Variants in ERBB4 observed in about 807,000 individuals in gnomAD.
ERBB4 encodes erb-b2 receptor tyrosine kinase 4.
A neutral mutation model predicts 158.0 loss-of-function variants in ERBB4; 42 were observed. The ratio of observed to expected loss-of-function variants is 0.27; its 90% confidence interval spans 0.21 to 0.34. The LOEUF is 0.34. Ranked by LOEUF, ERBB4 falls within the 10% of genes least tolerant of loss-of-function variation. The pLI is 1.00. For synonymous variants in ERBB4, 583 were observed against 558.7 expected, an observed-to-expected ratio of 1.04 and a Z score of -0.61; for missense variants, 1,333 against 1,624.1, an observed-to-expected ratio of 0.82 and a Z score of 3.08.
chr2:212,124,828 T>C lies in ERBB4; in HGVS notation c.158A>G (p.Tyr53Cys), dbSNP rs756650586. The change falls in exon 2 of 28, where the codon TAT becomes TGT. Residue 53 changes from tyrosine to cysteine, a missense_variant. Transcript: ENST00000342788. Reference protein sequence around the residue: ...EQQYRALRKYYENCEVVMGNL... With the variant: ...EQQYRALRKYCENCEVVMGNL... ...GCCCATGACAACCTCACAGTTTTCA[T>C]AGTACTTGCGCAAGGCTCGGTACTG... 4.3e-6 allele frequency: 7 copies of C among 1,614,208 alleles called. No individual in the cohort carries two copies. The highest frequency in any genetic ancestry group is 2.2e-5 in the East Asian group (1 of 44,884).
At chr2:212,528,558 A>G (rs780748801) in intron 1 of ERBB4, among the ~76,000 whole-genome samples, 18 of 152,092 alleles carry the variant, frequency 1.2e-4, no homozygotes, top group Non-Finnish European at 2.5e-4. Context: ...TCCATTCCCA[A>G]TTTTCTCATT....
At chr2:212,086,729 A>T (rs1006440747) in intron 2 of ERBB4, among the ~76,000 whole-genome samples, 1 of 152,022 alleles carries the variant, frequency 6.6e-6, no homozygotes, top group African/African-American at 2.4e-5. Context: ...GAGAAGAGGG[A>T]TAAGGCTAAA....
chr2:212,086,617 G>A (rs1176718840), intron 2 of ERBB4, among the ~76,000 whole-genome samples: 3 of 151,896 alleles, frequency 2.0e-5, no homozygotes, highest in African/African-American at 4.8e-5. Flanking sequence ...TTTTCAAGTG[G>A]CTGATATGGA....
At chr2:212,383,577 T>A (rs574945545) in intron 1 of ERBB4, among the ~76,000 whole-genome samples, 37 of 151,722 alleles carry the variant, frequency 2.4e-4, no homozygotes, top group African/African-American at 8.9e-4. Flanking sequence ...ACATGCAATG[T>A]TTAACCTCAG....
At chr2:211,511,273 T>C (rs1369020567) in intron 20 of ERBB4, among the ~76,000 whole-genome samples, 1 of 152,052 alleles carries the variant, frequency 6.6e-6, no homozygotes. Context: ...TTTTCAATTA[T>C]AGGACCTTGA....
intron 2 of ERBB4, among the ~76,000 whole-genome samples, chr2:212,002,377 T>G (rs2076126798): frequency 6.6e-6 from 1 of 152,150 alleles, no homozygotes; most frequent in East Asian, 1.9e-4. Flanking sequence ...AGAAATTTCT[T>G]CAGGGAGATT....
chr2:212,445,195 G>T (rs2092324438), intron 1 of ERBB4, among the ~76,000 whole-genome samples: 1 of 152,018 alleles, frequency 6.6e-6, no homozygotes, highest in Non-Finnish European at 1.5e-5. Flanking sequence ...ACAATATTTT[G>T]CAGGGCTGGG....
At chr2:211,712,884 C>A (rs114653738) in intron 8 of ERBB4, among the ~76,000 whole-genome samples, 5,789 of 152,058 alleles carry the variant, frequency 0.038, 132 homozygotes, top group Non-Finnish European at 0.055. Flanking sequence ...TTTTCTAGGG[C>A]ACTCCCTGAT....
chr2:212,451,115 G>A (rs565588379), intron 1 of ERBB4, among the ~76,000 whole-genome samples: 2 of 152,134 alleles, frequency 1.3e-5, no homozygotes, highest in Admixed American at 6.5e-5. Context: ...AGAAGAATCC[G>A]AGAAGGAGGC....
intron 2 of ERBB4, among the ~76,000 whole-genome samples, chr2:212,061,835 T>C (rs935835010): frequency 1.3e-5 from 2 of 151,442 alleles, no homozygotes; most frequent in Non-Finnish European, 2.9e-5. Flanking sequence ...TCCTGGGTTC[T>C]AGCAATTCTC....
chr2:211,577,749 T>C (rs1248834669), intron 19 of ERBB4, among the ~76,000 whole-genome samples: 1 of 152,044 alleles, frequency 6.6e-6, no homozygotes, highest in Admixed American at 6.6e-5. Context: ...AGGCCTTCAA[T>C]AAAATTTGAC....
At chr2:211,813,116 T>G (rs867300203) in intron 3 of ERBB4, among the ~76,000 whole-genome samples, 1 of 152,330 alleles carries the variant, frequency 6.6e-6, no homozygotes, top group East Asian at 1.9e-4. Context: ...AAATCACCTG[T>G]CTTCTGCGTC....
In ERBB4 at chr2:211,701,833, A is replaced by C. The variant is rs532731407; in HGVS notation, c.1489+134T>G. The C allele has an allele frequency of 3.3e-4, 224 of 669,148 alleles. No homozygotes were observed. In the African/African-American group the frequency reaches 3.8e-3, roughly 11 times the overall value. 41.5% of individuals were successfully genotyped at this position (669,148 alleles called of 1,614,324 possible). A position where few individuals can be genotyped will look rare whatever the true frequency, so the allele number is the denominator to read the frequency against. On this transcript the variant is annotated intron_variant, in intron 12 of 27. Coordinates refer to ENST00000342788, the MANE Select transcript of ERBB4 (RefSeq NM_005235.3). ...TTATACCATGTTGGTAATTGTAACA[A>C]CTACCTTCCTTTTTAAGGGTTGGGA...
intron 2 of ERBB4, among the ~76,000 whole-genome samples, chr2:211,956,458 C>T (rs1408433471): frequency 6.6e-6 from 1 of 151,994 alleles, no homozygotes; most frequent in Non-Finnish European, 1.5e-5. Flanking sequence ...TAGGACGATG[C>T]AGCCTAGTGA....
At chr2:211,771,177 A>C (rs1455214510) in intron 4 of ERBB4, among the ~76,000 whole-genome samples, 1 of 152,202 alleles carries the variant, frequency 6.6e-6, no homozygotes, top group Admixed American at 6.5e-5. Flanking sequence ...AGAATCTCTG[A>C]GTGAATTCAG....
At chr2:211,415,280 C>A (rs10192936) in intron 25 of ERBB4, among the ~76,000 whole-genome samples, 1 of 152,006 alleles carries the variant, frequency 6.6e-6, no homozygotes, top group South Asian at 2.1e-4. Flanking sequence ...CCACGCCCGG[C>A]TAATTTTTTG....
chr2:212,046,680 A>T (rs1489754562), intron 2 of ERBB4, among the ~76,000 whole-genome samples: 1 of 152,178 alleles, frequency 6.6e-6, no homozygotes, highest in African/African-American at 2.4e-5. Flanking sequence ...ATTGCAATGG[A>T]GTGGGAAATC....
At chr2:211,710,901 C>G (rs565913433) in intron 9 of ERBB4, among the ~76,000 whole-genome samples, 86 of 152,070 alleles carry the variant, frequency 5.7e-4, no homozygotes, top group African/African-American at 1.9e-3. Flanking sequence ...GTAAATTACC[C>G]AGTCTCGGGT....
chr2:212,012,274 C>T (rs1213086545), intron 2 of ERBB4, among the ~76,000 whole-genome samples: 4 of 152,126 alleles, frequency 2.6e-5, no homozygotes, highest in Non-Finnish European at 5.9e-5. Context: ...AACATGGAAT[C>T]AGCCACACTT....
Sources: allele counts gnomAD v4.1 joint callset (sites outside exome capture counted in the v4.1 genomes callset), GRCh38; gene constraint gnomAD v4.1.1; transcripts MANE v1.5; gene names NCBI Gene and HGNC (gene_info 2026-07-23, HGNC 2026-07-21).